Variants in AUTS2 observed in about 807,000 individuals in gnomAD.
AUTS2 encodes activator of transcription and developmental regulator AUTS2.
AUTS2 carries 17 observed loss-of-function variants against 112.4 expected under a neutral mutation model. The observed-to-expected ratio is 0.15, with a 90% CI of 0.10 to 0.23. AUTS2 has a LOEUF of 0.23. Among genes scored for constraint, AUTS2 ranks in the 10% least tolerant of loss-of-function variants. AUTS2 has a pLI of 1.00. For synonymous variants in AUTS2, 751 were observed against 702.7 expected (o/e 1.07, Z -1.09); for missense variants, 1,510 against 1,701.6 (o/e 0.89, Z 1.98).
intron 4 of AUTS2, among the ~76,000 whole-genome samples, chr7:70,430,352 A>T (rs908773178): frequency 6.6e-6 from 1 of 152,222 alleles, no homozygotes; most frequent in African/African-American, 2.4e-5. Flanking sequence ...CACATACCCA[A>T]CGGAAGCTTA....
chr7:70,272,917 A>G (rs577556509), intron 4 of AUTS2, among the ~76,000 whole-genome samples: 1 of 152,176 alleles, frequency 6.6e-6, no homozygotes, highest in South Asian at 2.1e-4. Context: ...TGAGCCTAGG[A>G]GTTCAAGACC....
At chr7:70,719,544 A>G (rs1296582685) in intron 6 of AUTS2, among the ~76,000 whole-genome samples, 1 of 150,030 alleles carries the variant, frequency 6.7e-6, no homozygotes, top group African/African-American at 2.5e-5. Context: ...ACTCACTGCA[A>G]CCTCTGCTGC....
intron 4 of AUTS2, among the ~76,000 whole-genome samples, chr7:70,326,233 TC>T (rs1212066401): frequency 6.6e-6 from 1 of 152,158 alleles, no homozygotes; most frequent in Non-Finnish European, 1.5e-5. Flanking sequence ...TTCTATCCTC[TC>T]CCATAGGCCT....
chr7:70,661,678 G>A (rs566592270), intron 5 of AUTS2, among the ~76,000 whole-genome samples: 5 of 151,926 alleles, frequency 3.3e-5, no homozygotes, highest in South Asian at 2.1e-4. Context: ...TCTGTAGATC[G>A]ATGCTGGTGT....
chr7:70,787,293 G>GAACGCCTCCGTCGTTCCC lies in AUTS2; in HGVS notation c.2394_2411dup (p.Ser802_Pro807dup). ...CACGAACCCTGGAACCGGCTGCACCGAACGCCTCCGTCGTTCCCGACCCCT... is the reference window on the plus strand; with the variant it reads ...CACGAACCCTGGAACCGGCTGCACCGAACGCCTCCGTCGTTCCCAACGCCTCCGTCGTTCCCGACCCCT... On this transcript the variant is annotated inframe_insertion, in exon 18 of 19. Transcript: ENST00000342771. 1 of 1,614,222 alleles carries GAACGCCTCCGTCGTTCCC rather than the reference G, an allele frequency of 6.2e-7. No homozygotes were observed. Among genetic ancestry groups the GAACGCCTCCGTCGTTCCC allele is most frequent in the Non-Finnish European group, 8.5e-7 (1 of 1,180,030 alleles).
chr7:70,182,507 C>G (rs1174032884), intron 4 of AUTS2, among the ~76,000 whole-genome samples: 1 of 152,142 alleles, frequency 6.6e-6, no homozygotes, highest in East Asian at 1.9e-4. Context: ...CATAGTAGGA[C>G]CTCATTAATT....
chr7:70,456,280 T>A (rs1796735942), intron 5 of AUTS2, among the ~76,000 whole-genome samples: 1 of 152,210 alleles, frequency 6.6e-6, no homozygotes, highest in African/African-American at 2.4e-5. Context: ...TAAAAGCTTT[T>A]ACTTTTACTT....
chr7:70,184,813 G>T (rs1405266949), intron 4 of AUTS2, among the ~76,000 whole-genome samples: 3 of 152,056 alleles, frequency 2.0e-5, no homozygotes, highest in Admixed American at 2.0e-4. Context: ...CCCTGGGAAG[G>T]TTCTTTATTT....
chr7:69,609,673 G>A (rs1792922506), intron 1 of AUTS2, among the ~76,000 whole-genome samples: 1 of 152,184 alleles, frequency 6.6e-6, no homozygotes, highest in Non-Finnish European at 1.5e-5. Context: ...CAGGATGTAT[G>A]GAGTGAGTGA....
intron 5 of AUTS2, among the ~76,000 whole-genome samples, chr7:70,668,006 TC>T: frequency 6.6e-6 from 1 of 152,326 alleles, no homozygotes; most frequent in Admixed American, 6.5e-5. Context: ...ATTCTGCATT[TC>T]TTTTTTCACC....
At chr7:69,866,036 T>C (rs1034224783) in intron 1 of AUTS2, among the ~76,000 whole-genome samples, 1 of 152,200 alleles carries the variant, frequency 6.6e-6, no homozygotes, top group Non-Finnish European at 1.5e-5. Context: ...ATAAGTCCTT[T>C]CCTTTTCATT....
intron 2 of AUTS2, among the ~76,000 whole-genome samples, chr7:70,054,331 A>C (rs1386339191): frequency 6.8e-6 from 1 of 148,026 alleles, no homozygotes; most frequent in East Asian, 2.0e-4. Context: ...TTTCTCACTC[A>C]CTCCCTTCCT....
chr7:70,785,970 C>A lies in AUTS2; in HGVS notation c.2240C>A (p.Pro747Gln). The A allele has an allele frequency of 6.2e-7, 1 of 1,613,928 alleles. No homozygotes were observed. Among genetic ancestry groups the A allele is most frequent in the Non-Finnish European group, 8.5e-7 (1 of 1,179,976 alleles). Residue 747 changes from proline (P) to glutamine (Q), a missense_variant, in exon 17 of 19, where the codon CCG becomes CAG. Physicochemically the swap from Pro to Gln is moderately conservative, Grantham distance 76. This residue lies in a region of AUTS2 where 788 missense variants were observed against 797.6 expected (regional missense o/e 0.99). Coordinates refer to ENST00000342771, the MANE Select transcript of AUTS2 (RefSeq NM_015570.4). ...TTGTTTGCAGAGCCTTTTAATCGGC[C>A]GTCTACATTCACAGGCCTAGCAGCA... ...PAAHLEPFNR[P>Q]STFTGLAAVG...
chr7:70,277,255 A>C (rs1324749778), intron 4 of AUTS2, among the ~76,000 whole-genome samples: 1 of 152,174 alleles, frequency 6.6e-6, no homozygotes, highest in African/African-American at 2.4e-5. Context: ...AGAATATAAG[A>C]CAGAGCCTCT....
At chr7:70,535,721 G>A (rs1198234111) in intron 5 of AUTS2, among the ~76,000 whole-genome samples, 1 of 152,138 alleles carries the variant, frequency 6.6e-6, no homozygotes, top group Non-Finnish European at 1.5e-5. Context: ...AGCCTGTTGT[G>A]TTGTTTTCAT....
At chr7:70,480,172 T>C (rs530619003) in intron 5 of AUTS2, among the ~76,000 whole-genome samples, 1 of 152,204 alleles carries the variant, frequency 6.6e-6, no homozygotes, top group Non-Finnish European at 1.5e-5. Flanking sequence ...ACAAGTGATA[T>C]CAAGGGAAAA....
intron 2 of AUTS2, among the ~76,000 whole-genome samples, chr7:69,945,765 C>T (rs1211100441): frequency 1.3e-5 from 2 of 152,058 alleles, no homozygotes; most frequent in African/African-American, 4.8e-5. Flanking sequence ...AAGTTTGTAC[C>T]CTTTGATCAC....
At chr7:70,451,576 GT>G (rs1167156544) in intron 5 of AUTS2, among the ~76,000 whole-genome samples, 1 of 152,016 alleles carries the variant, frequency 6.6e-6, no homozygotes, top group African/African-American at 2.4e-5. Context: ...AACCTATGTA[GT>G]TTTTTTATGC....
intron 1 of AUTS2, among the ~76,000 whole-genome samples, chr7:69,775,520 G>A (rs148186263): frequency 6.6e-6 from 1 of 152,184 alleles, no homozygotes; most frequent in East Asian, 1.9e-4. Flanking sequence ...GGTTGAGTCA[G>A]GTCACCTTAT....
Sources: allele counts gnomAD v4.1 joint callset (sites outside exome capture counted in the v4.1 genomes callset), GRCh38; gene constraint gnomAD v4.1.1; regional missense constraint gnomAD v4.1.1; transcripts MANE v1.5; gene names NCBI Gene and HGNC (gene_info 2026-07-23, HGNC 2026-07-21).